Variants in GLIS3 observed in about 807,000 individuals in gnomAD.
The protein encoded by GLIS3 is zinc finger protein GLIS3.
Under a neutral mutation model 78.6 loss-of-function variants are expected in GLIS3, and 53 were observed. The ratio of observed to expected loss-of-function variants is 0.67; its 90% CI spans 0.54 to 0.85. The LOEUF (loss-of-function observed/expected upper bound fraction) is 0.85, where lower values mean the gene tolerates loss of function less well. Ranked by LOEUF, GLIS3 falls within the 40% of genes least tolerant of loss-of-function variation. The pLI, the probability that GLIS3 is intolerant of heterozygous loss-of-function variation, is 0.00. For synonymous variants in GLIS3, 684 were observed against 509.9 expected, an observed-to-expected ratio of 1.34 and a Z score of -4.60; for missense variants, 1,703 against 1,231.1, an observed-to-expected ratio of 1.38 and a Z score of -5.74.
intron 6 of GLIS3, among the ~76,000 whole-genome samples, chr9:3,912,282 G>A (rs1323300475): frequency 6.6e-6 from 1 of 152,148 alleles, no homozygotes; most frequent in Non-Finnish European, 1.5e-5. Flanking sequence ...ATTAGCCTCA[G>A]AACTAGCGTC....
chr9:4,355,130 T>TC, the GLIS3 span, among the ~76,000 whole-genome samples: 1 of 100,578 alleles, frequency 9.9e-6, no homozygotes, highest in African/African-American at 3.1e-5. Flanking sequence ...AGACTCCATC[T>TC]CGAAAAAAAA....
intron 2 of GLIS3, chr9:4,144,984 G>A (rs1834103407): frequency 6.6e-6 from 1 of 152,224 alleles, no homozygotes. Flanking sequence ...CTTGGAAAAG[G>A]CAGTGTCCTT....
intron 6 of GLIS3, among the ~76,000 whole-genome samples, chr9:3,922,977 A>G (rs2130737826): frequency 6.6e-6 from 1 of 152,298 alleles, no homozygotes; most frequent in Non-Finnish European, 1.5e-5. Flanking sequence ...TCCTTTTTAG[A>G]TACCATTAGT....
At chr9:3,996,357 T>C (rs1028631951) in intron 4 of GLIS3, among the ~76,000 whole-genome samples, 4 of 152,152 alleles carry the variant, frequency 2.6e-5, no homozygotes, top group Admixed American at 1.3e-4. Flanking sequence ...ATATTCACCA[T>C]GAAAATAATA....
chr9:3,997,676 T>TA (rs906508550), intron 4 of GLIS3, among the ~76,000 whole-genome samples: 17 of 150,512 alleles, frequency 1.1e-4, no homozygotes, highest in South Asian at 4.2e-4. Flanking sequence ...TCTGCAGGAA[T>TA]AAAAAAAAAT....
chr9:3,926,059 G>A (rs935692268), intron 6 of GLIS3, among the ~76,000 whole-genome samples: 25 of 152,276 alleles, frequency 1.6e-4, no homozygotes, highest in African/African-American at 6.0e-4. Context: ...CTAGCATGCA[G>A]TCCCTCAATT....
the GLIS3 span, among the ~76,000 whole-genome samples, chr9:4,362,047 G>A: frequency 6.6e-6 from 1 of 152,206 alleles, no homozygotes; most frequent in Non-Finnish European, 1.5e-5. Context: ...GGTCAGCAAA[G>A]AGGGATAAAT....
chr9:4,370,353 C>T, the GLIS3 span, among the ~76,000 whole-genome samples: 1 of 152,142 alleles, frequency 6.6e-6, no homozygotes, highest in Non-Finnish European at 1.5e-5. Flanking sequence ...CCTGCTCCTC[C>T]TACCCTTCCC....
At chr9:4,402,510 G>A in the GLIS3 span, among the ~76,000 whole-genome samples, 2 of 152,168 alleles carry the variant, frequency 1.3e-5, no homozygotes, top group African/African-American at 4.8e-5. Flanking sequence ...TGGAGAAATG[G>A]AGATATGTGA....
intron 2 of GLIS3, among the ~76,000 whole-genome samples, chr9:4,319,139 G>T (rs1398677455): frequency 1.3e-5 from 2 of 152,148 alleles, no homozygotes; most frequent in Admixed American, 1.3e-4. Context: ...TGAAATGAGT[G>T]ATCTCAGCTG....
rs192679411 is a variant in GLIS3, at chr9:3,937,246, G to T, written c.1711-57C>A. ...GAAGGACCTTGAATGTTTGAGTCTG[G>T]GGGACAGCTAAAAAAAAAATGTTCT... On this transcript the variant is annotated intron_variant, in intron 4 of 10. Transcript: ENST00000381971. 315 of 1,586,658 alleles carry T rather than the reference G, an allele frequency of 2.0e-4. 4 individuals are homozygous for T. The East Asian group carries it at 7.0e-3, about 35-fold the overall frequency.
intron 4 of GLIS3, among the ~76,000 whole-genome samples, chr9:3,950,860 C>G (rs183873360): frequency 6.6e-6 from 1 of 152,278 alleles, no homozygotes; most frequent in Admixed American, 6.5e-5. Flanking sequence ...TTCCTCTCTT[C>G]TCCTCCCTCC....
At chr9:3,878,559 C>G (rs1261044368) in intron 8 of GLIS3, 2 of 152,112 alleles carry the variant, frequency 1.3e-5, no homozygotes, top group Admixed American at 1.3e-4. Flanking sequence ...AACTTTTATT[C>G]CTGCTGCCTA....
chr9:3,843,702 G>C (rs1818862402), intron 9 of GLIS3, among the ~76,000 whole-genome samples: 1 of 152,182 alleles, frequency 6.6e-6, no homozygotes, highest in Non-Finnish European at 1.5e-5. Flanking sequence ...CTGACCTCAT[G>C]GGTATTGACA....
At chr9:4,313,619 C>T (rs12554767) in intron 2 of GLIS3, among the ~76,000 whole-genome samples, 1 of 152,156 alleles carries the variant, frequency 6.6e-6, no homozygotes, top group Non-Finnish European at 1.5e-5. Flanking sequence ...CTGGCAGTAT[C>T]CCCTGCCCAA....
intron 4 of GLIS3, among the ~76,000 whole-genome samples, chr9:4,006,330 CT>C (rs1821549231): frequency 1.1e-5 from 1 of 90,428 alleles, no homozygotes; most frequent in African/African-American, 4.1e-5. Context: ...AAAAAAAAAA[CT>C]AGAGTATTTC....
chr9:3,914,299 C>T (rs1563843981), intron 6 of GLIS3, among the ~76,000 whole-genome samples: 1 of 150,720 alleles, frequency 6.6e-6, no homozygotes, highest in Non-Finnish European at 1.5e-5. Context: ...CTGTACACCA[C>T]CAAATCTGGC....
intron 2 of GLIS3, among the ~76,000 whole-genome samples, chr9:4,280,889 T>G (rs1195380766): frequency 1.3e-5 from 2 of 152,098 alleles, no homozygotes; most frequent in Non-Finnish European, 1.5e-5. Context: ...AAGCACCTAC[T>G]GCAGTCTTCT....
At chr9:4,058,795 A>G (rs537624218) in intron 4 of GLIS3, among the ~76,000 whole-genome samples, 3 of 152,084 alleles carry the variant, frequency 2.0e-5, no homozygotes, top group African/African-American at 4.8e-5. Flanking sequence ...CCTGGCTAAC[A>G]CAGTGAAACC....
Sources: allele counts gnomAD v4.1 joint callset (sites outside exome capture counted in the v4.1 genomes callset), GRCh38; gene constraint gnomAD v4.1.1; transcripts MANE v1.5; gene names NCBI Gene and HGNC (gene_info 2026-07-23, HGNC 2026-07-21).